Variants in AFG2A observed in about 807,000 individuals in gnomAD.
AFG2A encodes AAA ATPase AFG2A.
the AFG2A span, among the ~76,000 whole-genome samples, chr4:122,999,247 A>T: frequency 6.6e-6 from 1 of 151,678 alleles, no homozygotes; most frequent in Non-Finnish European, 1.5e-5. Context: ...ATTTTCTCCC[A>T]TTTTGTAGGT....
At chr4:123,136,545 G>A in the AFG2A span, among the ~76,000 whole-genome samples, 1 of 151,614 alleles carries the variant, frequency 6.6e-6, no homozygotes, top group Admixed American at 6.6e-5. Flanking sequence ...GTGGTGGCAG[G>A]CGCCTGTAGT....
the AFG2A span, among the ~76,000 whole-genome samples, chr4:123,146,652 A>G: frequency 6.6e-6 from 1 of 152,216 alleles, no homozygotes; most frequent in Non-Finnish European, 1.5e-5. Context: ...TCAGTACCAA[A>G]CGAAACAAAG....
At chr4:122,996,521 A>ATGGG in the AFG2A span, among the ~76,000 whole-genome samples, 1 of 151,976 alleles carries the variant, frequency 6.6e-6, no homozygotes, top group Non-Finnish European at 1.5e-5. Context: ...GGATGGATGG[A>ATGGG]TGGGTAGGTA....
chr4:123,220,929 G>C, the AFG2A span, among the ~76,000 whole-genome samples: 6 of 152,126 alleles, frequency 3.9e-5, no homozygotes, highest in Admixed American at 6.5e-5. Flanking sequence ...TTTGATACAT[G>C]AACGACATAG....
At chr4:123,035,438 A>G in the AFG2A span, among the ~76,000 whole-genome samples, 1 of 152,140 alleles carries the variant, frequency 6.6e-6, no homozygotes, top group African/African-American at 2.4e-5. Context: ...ATTTGCTTAA[A>G]TCGGCAGTTA....
the AFG2A span, among the ~76,000 whole-genome samples, chr4:123,008,444 A>G: frequency 6.6e-6 from 1 of 152,202 alleles, no homozygotes; most frequent in Admixed American, 6.5e-5. Flanking sequence ...TATCCAAACT[A>G]TAGCAAGACA....
the AFG2A span, among the ~76,000 whole-genome samples, chr4:123,251,043 T>C: frequency 3.3e-5 from 5 of 152,272 alleles, no homozygotes; most frequent in Middle Eastern, 3.4e-3. Context: ...AATGTTATAA[T>C]AATCATTGAA....
At chr4:123,020,988 C>T in the AFG2A span, among the ~76,000 whole-genome samples, 1 of 152,098 alleles carries the variant, frequency 6.6e-6, no homozygotes, top group African/African-American at 2.4e-5. Context: ...AGTGTTGACT[C>T]ATTGTCTATC....
At chr4:123,012,443 AGG>A in the AFG2A span, among the ~76,000 whole-genome samples, 1 of 151,480 alleles carries the variant, frequency 6.6e-6, no homozygotes, top group South Asian at 2.1e-4. Flanking sequence ...CACAGAGAGA[AGG>A]GGTGGGTGAG....
chr4:123,311,677 G>A, the AFG2A span, among the ~76,000 whole-genome samples: 1 of 143,420 alleles, frequency 7.0e-6, no homozygotes, highest in Non-Finnish European at 1.5e-5. Flanking sequence ...ATCTATAGAA[G>A]CAAATGTGAA....
chr4:123,172,281 GC>G, the AFG2A span, among the ~76,000 whole-genome samples: 3 of 152,176 alleles, frequency 2.0e-5, no homozygotes, highest in Non-Finnish European at 4.4e-5. Flanking sequence ...AATTGTTATA[GC>G]CCTATGGGGC....
the AFG2A span, among the ~76,000 whole-genome samples, chr4:123,164,837 A>G: frequency 6.6e-6 from 1 of 152,174 alleles, no homozygotes; most frequent in Non-Finnish European, 1.5e-5. Flanking sequence ...GTTTTCTTTC[A>G]TTTAGATATG....
At chr4:122,982,103 C>T in the AFG2A span, among the ~76,000 whole-genome samples, 1 of 152,142 alleles carries the variant, frequency 6.6e-6, no homozygotes, top group African/African-American at 2.4e-5. Context: ...AAGTTTTTAG[C>T]TTTTCATTGT....
the AFG2A span, among the ~76,000 whole-genome samples, chr4:123,050,451 CTATTA>C: frequency 9.9e-5 from 15 of 152,112 alleles, no homozygotes; most frequent in African/African-American, 3.6e-4. Flanking sequence ...CTCTCGAGAG[CTATTA>C]ATATTTGCTT....
the AFG2A span, among the ~76,000 whole-genome samples, chr4:123,310,860 C>T: frequency 1.3e-5 from 2 of 152,252 alleles, no homozygotes; most frequent in East Asian, 3.9e-4. Flanking sequence ...TCAGAGCATC[C>T]TTTATAAATA....
At chr4:123,116,104 G>A in the AFG2A span, among the ~76,000 whole-genome samples, 2 of 151,926 alleles carry the variant, frequency 1.3e-5, no homozygotes, top group Non-Finnish European at 2.9e-5. Context: ...TTGCTTTGTT[G>A]TGCAAGCTGG....
At chr4:123,097,176 G>A in the AFG2A span, among the ~76,000 whole-genome samples, 1 of 151,966 alleles carries the variant, frequency 6.6e-6, no homozygotes, top group Non-Finnish European at 1.5e-5. Flanking sequence ...ATGGGGAAAA[G>A]TTAATTAACA....
chr4:123,252,179 T>A, the AFG2A span, among the ~76,000 whole-genome samples: 1 of 152,184 alleles, frequency 6.6e-6, no homozygotes, highest in Admixed American at 6.5e-5. Flanking sequence ...GTTATCCAAA[T>A]TTATTTAACA....
chr4:122,998,832 T>C, the AFG2A span, among the ~76,000 whole-genome samples: 7 of 152,258 alleles, frequency 4.6e-5, no homozygotes, highest in Non-Finnish European at 7.3e-5. Flanking sequence ...TACCCAGTAA[T>C]GGGATGGTTG....
Sources: gnomAD v4.1 joint callset for allele counts (sites outside exome capture counted in the v4.1 genomes callset) on GRCh38, gnomAD v4.1.1 for gene constraint, MANE v1.5 for transcripts, NCBI Gene and HGNC (gene_info 2026-07-23, HGNC 2026-07-21) for gene names.